SCG5: variants seen among roughly 807,000 people sequenced by gnomAD.
SCG5 encodes secretogranin V, also known as neuroendocrine protein 7B2.
In SCG5, 18 loss-of-function variants were observed where a neutral mutation model predicts 25.7. The observed-to-expected ratio is 0.70, with a 90% CI of 0.48 to 1.04. The LOEUF is 1.04. Among genes scored for constraint, SCG5 ranks in the 50% least tolerant of loss-of-function variants. The pLI, the probability that SCG5 is intolerant of heterozygous loss-of-function variation, is 0.00. For synonymous variants in SCG5, 101 were observed against 91.7 expected (o/e 1.10, Z -0.58); for missense variants, 206 against 259.8 (o/e 0.79, Z 1.42).
chr15:32,676,889 G>A (rs924391208), intron 2 of SCG5, among the ~76,000 whole-genome samples: 4 of 152,060 alleles, frequency 2.6e-5, no homozygotes, highest in Non-Finnish European at 5.9e-5. Context: ...AAAACAGTAA[G>A]AAATAAGAGA....
At chr15:32,660,021 G>A (rs141865018) in intron 2 of SCG5, among the ~76,000 whole-genome samples, 99 of 152,324 alleles carry the variant, frequency 6.5e-4, no homozygotes, top group African/African-American at 2.3e-3. Context: ...TGCAAAGGAA[G>A]GAGAGGAAAG....
intron 3 of SCG5, among the ~76,000 whole-genome samples, chr15:32,683,917 A>G (rs1009145913): frequency 1.3e-5 from 2 of 152,252 alleles, no homozygotes; most frequent in Non-Finnish European, 2.9e-5. Flanking sequence ...GGTCATGTGC[A>G]ACAGAAGTAT....
chr15:32,691,184 A>C (rs1567090731), intron 4 of SCG5, among the ~76,000 whole-genome samples: 1 of 152,160 alleles, frequency 6.6e-6, no homozygotes, highest in African/African-American at 2.4e-5. Flanking sequence ...GGTTCACTCT[A>C]TTAAAAATGT....
chr15:32,687,778 A>G (rs184603742), intron 4 of SCG5, among the ~76,000 whole-genome samples: 86 of 152,252 alleles, frequency 5.6e-4, no homozygotes, highest in Admixed American at 1.4e-3. Context: ...TGTTTCCTGC[A>G]TTTCTCTCTT....
chr15:32,687,064 A>G (rs913924359), intron 4 of SCG5, among the ~76,000 whole-genome samples: 1 of 140,228 alleles, frequency 7.1e-6, no homozygotes, highest in Non-Finnish European at 1.6e-5. Context: ...GCTAGGAATG[A>G]GAGAAAGAAA....
At chr15:32,696,398 T>A (rs1424785173) in intron 5 of SCG5, 116 bp from the exon 6 acceptor site, 2 of 704,550 alleles carry the variant, frequency 2.8e-6, no homozygotes, top group Non-Finnish European at 4.9e-6. Flanking sequence ...ATTACAGGCG[T>A]GAGCCACCGC....
At chr15:32,667,489 CTG>C (rs2054339001) in intron 2 of SCG5, among the ~76,000 whole-genome samples, 1 of 152,238 alleles carries the variant, frequency 6.6e-6, no homozygotes, top group African/African-American at 2.4e-5. Flanking sequence ...CTGCAGCTGT[CTG>C]AGCGTATTGC....
Position 32,681,880 on chromosome 15 carries a change from G to T in SCG5, c.376+1965G>T, listed in dbSNP as rs796157624. Among the ~76,000 whole-genome samples, 34 of 152,188 alleles carry T rather than the reference G, an allele frequency of 2.2e-4. 1 individual carries two copies. The highest frequency in any genetic ancestry group is 8.2e-4 in the African/African-American group (34 of 41,518). ...ATTTAGGATGAGGCCTCTGTTTTCC[G>T]TGGGGCACAAAGCTTCCATCTTGAG... is the stretch of plus-strand genomic sequence containing the variant. On this transcript the variant is annotated intron_variant, in intron 3 of 5. Coordinates refer to ENST00000300175, the MANE Select transcript of SCG5 (RefSeq NM_001144757.3).
chr15:32,692,483 A>G (rs2054876793), intron 5 of SCG5, among the ~76,000 whole-genome samples: 1 of 152,162 alleles, frequency 6.6e-6, no homozygotes, highest in Non-Finnish European at 1.5e-5. Context: ...TAGCATCAAG[A>G]CTTGATAAGT....
intron 2 of SCG5, among the ~76,000 whole-genome samples, chr15:32,652,073 C>T (rs750252002): frequency 6.6e-6 from 1 of 152,092 alleles, no homozygotes; most frequent in Non-Finnish European, 1.5e-5. Context: ...AGGAGAAGAA[C>T]CAGAAAGATA....
At chr15:32,643,312 ATT>A (rs2053895082) in intron 1 of SCG5, among the ~76,000 whole-genome samples, 2 of 152,194 alleles carry the variant, frequency 1.3e-5, no homozygotes, top group African/African-American at 4.8e-5. Context: ...GAGGATAAAA[ATT>A]ATGAGTGAGA....
intron 2 of SCG5, among the ~76,000 whole-genome samples, chr15:32,657,654 G>A (rs902653174): frequency 2.6e-5 from 4 of 152,160 alleles, no homozygotes; most frequent in Non-Finnish European, 5.9e-5. Flanking sequence ...CTTGCTCTCC[G>A]TGGTTTGAGA....
chr15:32,665,497 A>G (rs2054304037), intron 2 of SCG5, among the ~76,000 whole-genome samples: 1 of 152,130 alleles, frequency 6.6e-6, no homozygotes, highest in Admixed American at 6.5e-5. Flanking sequence ...TTTTATTATT[A>G]GGTTTACATT....
chr15:32,658,854 G>A (rs1399294204), intron 2 of SCG5, among the ~76,000 whole-genome samples: 1 of 152,146 alleles, frequency 6.6e-6, no homozygotes, highest in Non-Finnish European at 1.5e-5. Context: ...ATGAAGGTAG[G>A]TATTTCTTCA....
intron 5 of SCG5, chr15:32,692,255 CT>C: frequency 2.0e-6 from 2 of 988,152 alleles, no homozygotes; most frequent in African/African-American, 1.7e-5. Context: ...TCCTATGTAT[CT>C]TTTTTTCTTG....
chr15:32,660,155 C>T lies in SCG5; in HGVS notation c.226+16337C>T, dbSNP rs1182998117. ...CATTTAACTAGGTCTGTATAGAGCA[C>T]ACTGGAGCCTGGTAAGGACCTCTGG... On this transcript the variant is annotated intron_variant, in intron 2 of 5. Transcript: ENST00000300175. Among the ~76,000 whole-genome samples, 3 of 152,276 alleles carry T rather than the reference C, an allele frequency of 2.0e-5. 1 individual carries two copies. The highest frequency in any genetic ancestry group is 4.2e-4 in the South Asian group (2 of 4,818).
chr15:32,661,848 A>G (rs76734019), intron 2 of SCG5, among the ~76,000 whole-genome samples: 1,865 of 152,294 alleles, frequency 0.012, 27 homozygotes, highest in Non-Finnish European at 0.017. Flanking sequence ...CATTTCGAAA[A>G]TAAAATAAAG....
intron 2 of SCG5, among the ~76,000 whole-genome samples, chr15:32,675,374 AT>A (rs1308837858): frequency 1.3e-5 from 2 of 152,172 alleles, no homozygotes; most frequent in African/African-American, 4.8e-5. Context: ...AGCCACCCTA[AT>A]TCCAATCCTT....
intron 2 of SCG5, among the ~76,000 whole-genome samples, chr15:32,659,553 G>C (rs2054182217): frequency 6.6e-6 from 1 of 152,188 alleles, no homozygotes; most frequent in African/African-American, 2.4e-5. Flanking sequence ...GGCACTACTG[G>C]TCAGTTCCCC....
Sources: gnomAD v4.1 joint callset for allele counts (sites outside exome capture counted in the v4.1 genomes callset) on GRCh38, gnomAD v4.1.1 for gene constraint, MANE v1.5 for transcripts, NCBI Gene and HGNC (gene_info 2026-07-23, HGNC 2026-07-21) for gene names.